MYO9A: variants seen among roughly 807,000 people sequenced by gnomAD.
MYO9A encodes myosin IXA.
A neutral mutation model predicts 293.3 loss-of-function variants in MYO9A; 103 were observed. That is an observed-to-expected ratio of 0.35 (90% CI 0.30 to 0.41). The LOEUF (loss-of-function observed/expected upper bound fraction) is 0.41, where lower values mean the gene tolerates loss of function less well. Ranked by LOEUF, MYO9A falls within the 10% of genes least tolerant of loss-of-function variation. The probability of loss-of-function intolerance (pLI) is 1.00; values close to 1 mark genes in which losing one functional copy is unlikely to be tolerated. For missense variants in MYO9A, 2,685 were observed against 3,033.0 expected (o/e 0.89, Z 2.69); for synonymous variants, 1,001 against 1,035.7 (o/e 0.97, Z 0.64).
At chr15:72,048,205 GC>G (rs1181293458) in intron 1 of MYO9A, among the ~76,000 whole-genome samples, 1 of 151,770 alleles carries the variant, frequency 6.6e-6, no homozygotes, top group African/African-American at 2.4e-5. Context: ...TTCGAGATCA[GC>G]CTGGCCAACA....
chr15:71,906,929 A>AT (rs549566572), intron 19 of MYO9A, among the ~76,000 whole-genome samples: 15 of 137,654 alleles, frequency 1.1e-4, no homozygotes, highest in Non-Finnish European at 2.2e-4. Context: ...CACCCGGCTA[A>AT]TTTTTTTTTT....
chr15:72,071,801 T>C (rs899317277), intron 1 of MYO9A, among the ~76,000 whole-genome samples: 7 of 151,500 alleles, frequency 4.6e-5, no homozygotes, highest in African/African-American at 1.2e-4. Flanking sequence ...TTAACCCCTA[T>C]GGTAAACAGT....
chr15:72,005,325 G>A (rs899014433), intron 8 of MYO9A, among the ~76,000 whole-genome samples: 3 of 152,082 alleles, frequency 2.0e-5, no homozygotes, highest in African/African-American at 7.2e-5. Context: ...ACCTATAGCT[G>A]AGTTCCTCTT....
intron 6 of MYO9A, among the ~76,000 whole-genome samples, chr15:72,011,102 C>T (rs922311998): frequency 5.3e-5 from 8 of 151,642 alleles, no homozygotes; most frequent in African/African-American, 1.9e-4. Context: ...TTCGACCTCC[C>T]GGGCTCAGGT....
At chr15:71,977,266 C>T (rs1379953584) in intron 12 of MYO9A, among the ~76,000 whole-genome samples, 1 of 152,182 alleles carries the variant, frequency 6.6e-6, no homozygotes, top group Non-Finnish European at 1.5e-5. Flanking sequence ...AAGTCTTGCT[C>T]TGTCGCCCAG....
At chr15:71,879,671 AT>A in intron 30 of MYO9A, 49 bp downstream of exon 30, 1 of 1,380,888 alleles carries the variant, frequency 7.2e-7, no homozygotes. Context: ...GCGCTATCAA[AT>A]TTTTCATATG....
intron 27 of MYO9A, among the ~76,000 whole-genome samples, chr15:71,887,712 C>A (rs754119017): frequency 9.2e-5 from 14 of 152,092 alleles, no homozygotes; most frequent in Non-Finnish European, 1.6e-4. Context: ...ACTGTATGCA[C>A]TAACTTGCTT....
chr15:71,978,539 T>C (rs564165014), intron 11 of MYO9A, among the ~76,000 whole-genome samples: 2 of 152,294 alleles, frequency 1.3e-5, no homozygotes, highest in East Asian at 1.9e-4. Flanking sequence ...AATCAAAATG[T>C]AGGGCTAGAT....
intron 1 of MYO9A, among the ~76,000 whole-genome samples, chr15:72,076,991 A>C (rs2079373363): frequency 6.6e-6 from 1 of 151,540 alleles, no homozygotes; most frequent in Non-Finnish European, 1.5e-5. Context: ...TAGTCTTTTC[A>C]ACAAATGGTG....
At chr15:71,959,672 C>A in intron 14 of MYO9A, 1 of 500,536 alleles carries the variant, frequency 2.0e-6, no homozygotes, top group Non-Finnish European at 3.6e-6. Flanking sequence ...TGAACAGATG[C>A]TCTGACTTTA....
At chr15:72,034,020 T>C (rs2077961338) in intron 2 of MYO9A, among the ~76,000 whole-genome samples, 1 of 152,194 alleles carries the variant, frequency 6.6e-6, no homozygotes, top group Admixed American at 6.5e-5. Flanking sequence ...GCAAAGCTGT[T>C]TGTGCTAAAC....
chr15:72,085,145 A>G (rs2079675929), intron 1 of MYO9A, among the ~76,000 whole-genome samples: 1 of 152,184 alleles, frequency 6.6e-6, no homozygotes, highest in South Asian at 2.1e-4. Context: ...CTGTAGTCCC[A>G]GCACTTTGGG....
chr15:71,884,488 A>G (rs749790084), intron 27 of MYO9A, among the ~76,000 whole-genome samples: 10 of 152,184 alleles, frequency 6.6e-5, no homozygotes, highest in Non-Finnish European at 1.3e-4. Context: ...TGCTTTTAAC[A>G]AACTACTATA....
chr15:72,032,491 T>TA lies in MYO9A; in HGVS notation c.935+2dup. 1 of 1,576,568 alleles carries TA rather than the reference T, an allele frequency of 6.3e-7. No homozygotes were observed. ...CCTACGCCTGCTAAGTAGCAGTACT[T>TA]ACCCAAGTACAGTGCCTGTTTCCTG... On this transcript the variant is annotated splice_region_variant and intron_variant, in intron 3 of 41. Transcript: ENST00000356056.
chr15:71,831,996 G>T (rs1011035164), intron 39 of MYO9A, among the ~76,000 whole-genome samples: 1 of 152,182 alleles, frequency 6.6e-6, no homozygotes, highest in Admixed American at 6.5e-5. Flanking sequence ...TAAAAGAATG[G>T]CTGGGCACCG....
At chr15:71,966,265 A>AGAGT (rs1555493717) in intron 13 of MYO9A, among the ~76,000 whole-genome samples, 39 of 134,862 alleles carry the variant, frequency 2.9e-4, no homozygotes, top group Non-Finnish European at 4.4e-4. Context: ...ATCCCAGGCA[A>AGAGT]GTGTGTGTGT....
chr15:72,086,514 G>A (rs918485001), intron 1 of MYO9A, among the ~76,000 whole-genome samples: 1 of 152,180 alleles, frequency 6.6e-6, no homozygotes, highest in Non-Finnish European at 1.5e-5. Flanking sequence ...TACAACCAGG[G>A]GAAGGGAGGC....
intron 30 of MYO9A, 35 bp from the exon 31 acceptor site, chr15:71,878,266 T>C (rs753600670): frequency 7.1e-7 from 1 of 1,404,706 alleles, no homozygotes; most frequent in East Asian, 2.5e-5. Flanking sequence ...TATGGTTTTA[T>C]AAAGAAACTC....
intron 39 of MYO9A, among the ~76,000 whole-genome samples, chr15:71,840,522 C>G (rs977583703): frequency 2.2e-4 from 34 of 152,310 alleles, no homozygotes; most frequent in African/African-American, 7.9e-4. Flanking sequence ...GGTATTGAAA[C>G]AATATATGAA....
Sources: gnomAD v4.1 joint callset for allele counts (sites outside exome capture counted in the v4.1 genomes callset) on GRCh38, gnomAD v4.1.1 for gene constraint, MANE v1.5 for transcripts, NCBI Gene and HGNC (gene_info 2026-07-23, HGNC 2026-07-21) for gene names.